Variants in PRMT3 observed in about 807,000 individuals in gnomAD.
The protein encoded by PRMT3 is protein arginine methyltransferase 3.
PRMT3 carries 62 observed loss-of-function variants against 71.9 expected under a neutral mutation model. That is an observed-to-expected ratio of 0.86 (90% confidence interval 0.70 to 1.07). PRMT3 has a LOEUF of 1.07. Among genes scored for constraint, PRMT3 ranks in the 50% least tolerant of loss-of-function variants. The probability of loss-of-function intolerance (pLI) is 0.00; values close to 1 mark genes in which losing one functional copy is unlikely to be tolerated. For missense variants in PRMT3, 663 were observed against 643.0 expected, an observed-to-expected ratio of 1.03 and a Z score of -0.34; for synonymous variants, 213 against 220.4, an observed-to-expected ratio of 0.97 and a Z score of 0.30.
At position 20,494,372 on chromosome 11, in the gene PRMT3, T is replaced by G. The variant is rs574026617; in HGVS notation, c.1486+118T>G. On this transcript the variant is annotated intron_variant, in intron 15 of 15. Transcript: ENST00000331079. Reference sequence around the variant, plus strand: ...TTTGTTTTTTGAGACGGAGTCTCGCTGTCTCACCCAGGCTGGAGAACAGTG... The same window carrying G: ...TTTGTTTTTTGAGACGGAGTCTCGCGGTCTCACCCAGGCTGGAGAACAGTG... The G allele has an allele frequency of 8.4e-5, 73 of 871,278 alleles. 1 individual carries two copies. The African/African-American group carries it at 1.1e-3, about 13-fold the overall frequency. The allele number at this position is 871,278 out of a possible 1,614,324, so 54.0% of individuals were successfully genotyped here.
At chr11:20,388,257 G>C (rs1384067736) in intron 2 of PRMT3, 103 bp downstream of exon 2, 7 of 1,518,800 alleles carry the variant, frequency 4.6e-6, no homozygotes, top group Non-Finnish European at 6.3e-6. Flanking sequence ...AGAGTGGCCT[G>C]TCTTTGAATT....
chr11:20,499,262 C>T (rs1235485389), intron 15 of PRMT3, among the ~76,000 whole-genome samples: 1 of 152,008 alleles, frequency 6.6e-6, no homozygotes, highest in Non-Finnish European at 1.5e-5. Context: ...AAAATTAAAC[C>T]ACAAACTATA....
Position 20,392,208 on chromosome 11 carries a change from T to C in PRMT3, c.248-3T>C. 6.4e-7 allele frequency: 1 copy of C among 1,573,120 alleles called. No individual in the cohort carries two copies. Among genetic ancestry groups the C allele is most frequent in the Non-Finnish European group, 8.7e-7 (1 of 1,152,298 alleles). ...TAGGTGAATTATCTTTTTCCCCCTTTAGGACTTGAATTTTATGGATACATT... is the reference window on the plus strand; with the variant it reads ...TAGGTGAATTATCTTTTTCCCCCTTCAGGACTTGAATTTTATGGATACATT... On this transcript the variant is annotated splice_region_variant and splice_polypyrimidine_tract_variant and intron_variant, in intron 3 of 15. Coordinates refer to ENST00000331079, the MANE Select transcript of PRMT3 (RefSeq NM_005788.4).
intron 9 of PRMT3, among the ~76,000 whole-genome samples, chr11:20,412,956 A>G (rs1849227373): frequency 6.6e-6 from 1 of 152,132 alleles, no homozygotes; most frequent in African/African-American, 2.4e-5. Context: ...GGTCAGAATT[A>G]GTTACCAGGC....
intron 11 of PRMT3, among the ~76,000 whole-genome samples, chr11:20,452,685 C>T (rs914611667): frequency 1.3e-5 from 2 of 152,192 alleles, no homozygotes; most frequent in Non-Finnish European, 1.5e-5. Flanking sequence ...AAAAGTGCCA[C>T]ATAACCAATC....
At chr11:20,428,218 A>G (rs1849587789) in intron 10 of PRMT3, among the ~76,000 whole-genome samples, 1 of 152,230 alleles carries the variant, frequency 6.6e-6, no homozygotes, top group South Asian at 2.1e-4. Context: ...TAAAAATGTA[A>G]TATTTCTTTA....
chr11:20,453,214 C>T (rs760385923), intron 11 of PRMT3, among the ~76,000 whole-genome samples: 3 of 151,414 alleles, frequency 2.0e-5, no homozygotes, highest in Non-Finnish European at 2.9e-5. Flanking sequence ...GGTGCAGTGG[C>T]TCACGCTTGT....
intron 10 of PRMT3, among the ~76,000 whole-genome samples, chr11:20,437,021 T>C (rs2133366243): frequency 6.6e-6 from 1 of 152,334 alleles, no homozygotes; most frequent in East Asian, 1.9e-4. Flanking sequence ...TCCAGGAATG[T>C]ATCCATTTCC....
intron 10 of PRMT3, among the ~76,000 whole-genome samples, chr11:20,443,573 G>A (rs1458693574): frequency 1.3e-5 from 2 of 152,128 alleles, no homozygotes; most frequent in Non-Finnish European, 1.5e-5. Context: ...ATAGATATTC[G>A]TTGAGAGTGG....
At chr11:20,417,965 C>T (rs1849344949) in intron 9 of PRMT3, among the ~76,000 whole-genome samples, 1 of 152,120 alleles carries the variant, frequency 6.6e-6, no homozygotes, top group African/African-American at 2.4e-5. Flanking sequence ...TCTCTTAGAC[C>T]ATACCCGTAA....
At position 20,392,193 on chromosome 11, in the gene PRMT3, A is replaced by G. The variant is rs1848729705; in HGVS notation, c.248-18A>G. ...CTCATTATGTTAACATAGGTGAATTATCTTTTTCCCCCTTTAGGACTTGAA... is the reference window on the plus strand; with the variant it reads ...CTCATTATGTTAACATAGGTGAATTGTCTTTTTCCCCCTTTAGGACTTGAA... On this transcript the variant is annotated intron_variant, in intron 3 of 15. Coordinates refer to ENST00000331079, the MANE Select transcript of PRMT3 (RefSeq NM_005788.4). The G allele has an allele frequency of 6.4e-6, 10 of 1,570,776 alleles. No homozygotes were observed. The highest frequency in any genetic ancestry group is 7.8e-6 in the Non-Finnish European group (9 of 1,150,362).
intron 7 of PRMT3, among the ~76,000 whole-genome samples, chr11:20,401,740 G>T (rs988412926): frequency 2.0e-5 from 3 of 152,082 alleles, no homozygotes; most frequent in Non-Finnish European, 4.4e-5. Context: ...TGCTTAATTT[G>T]CAGTCAGTAT....
At chr11:20,467,969 C>G (rs1015588554) in intron 13 of PRMT3, among the ~76,000 whole-genome samples, 1 of 152,188 alleles carries the variant, frequency 6.6e-6, no homozygotes, top group Non-Finnish European at 1.5e-5. Context: ...GAGCTACTTA[C>G]GCAAGCATGG....
intron 13 of PRMT3, among the ~76,000 whole-genome samples, chr11:20,477,809 C>CG (rs1555020840): frequency 2.1e-5 from 3 of 143,220 alleles, no homozygotes; most frequent in Admixed American, 6.9e-5. Flanking sequence ...GAAACCCCCC[C>CG]CCCCCACTTC....
chr11:20,394,745 C>T (rs939382988), intron 5 of PRMT3, among the ~76,000 whole-genome samples: 4 of 152,142 alleles, frequency 2.6e-5, no homozygotes, highest in African/African-American at 9.7e-5. Context: ...ACCAACATCT[C>T]CTCATTTCCA....
At chr11:20,480,466 T>C (rs1850904126) in intron 13 of PRMT3, among the ~76,000 whole-genome samples, 1 of 152,198 alleles carries the variant, frequency 6.6e-6, no homozygotes, top group Non-Finnish European at 1.5e-5. Flanking sequence ...AAGCCTAGGA[T>C]GGCTGGGACA....
chr11:20,426,645 G>C (rs1236879377), intron 9 of PRMT3, 121 bp from the exon 10 acceptor site: 10 of 1,060,376 alleles, frequency 9.4e-6, no homozygotes, highest in East Asian at 3.4e-5. Context: ...GAACAACTAA[G>C]CTTTGATTGA....
intron 13 of PRMT3, among the ~76,000 whole-genome samples, chr11:20,465,701 G>A (rs1334950328): frequency 6.6e-6 from 1 of 151,880 alleles, no homozygotes; most frequent in Non-Finnish European, 1.5e-5. Context: ...TAAATATCCA[G>A]ATTAAAGTTT....
chr11:20,460,243 T>TTTTG (rs540279477), intron 11 of PRMT3, among the ~76,000 whole-genome samples: 1 of 152,176 alleles, frequency 6.6e-6, no homozygotes, highest in African/African-American at 2.4e-5. Context: ...TACTCATGGT[T>TTTTG]TTTGTTTGTT....
Sources: allele counts gnomAD v4.1 joint callset (sites outside exome capture counted in the v4.1 genomes callset), GRCh38; gene constraint gnomAD v4.1.1; transcripts MANE v1.5; gene names NCBI Gene and HGNC (gene_info 2026-07-23, HGNC 2026-07-21).